ADGRL2: variants seen among roughly 807,000 people sequenced by gnomAD.
The protein encoded by ADGRL2 is adhesion G protein-coupled receptor L2, also known as calcium-independent alpha-latrotoxin receptor 2.
ADGRL2 carries 44 observed loss-of-function variants against 157.4 expected under a neutral mutation model. The observed-to-expected ratio is 0.28, with a 90% CI of 0.22 to 0.36. The LOEUF (loss-of-function observed/expected upper bound fraction) is 0.36. Among genes scored for constraint, ADGRL2 ranks in the 10% least tolerant of loss-of-function variants. The pLI, the probability that ADGRL2 is intolerant of heterozygous loss-of-function variation, is 1.00. For synonymous variants in ADGRL2, 585 were observed against 624.7 expected, an observed-to-expected ratio of 0.94 and a Z score of 0.95; for missense variants, 1,510 against 1,768.9, an observed-to-expected ratio of 0.85 and a Z score of 2.63.
At chr1:81,546,244 A>G (rs1003501268) in intron 2 of ADGRL2, among the ~76,000 whole-genome samples, 6 of 152,252 alleles carry the variant, frequency 3.9e-5, no homozygotes, top group African/African-American at 1.4e-4. Flanking sequence ...ATTTTACCAT[A>G]TCTTTCTGCC....
chr1:81,834,136 A>G (rs2092133765), intron 1 of ADGRL2, among the ~76,000 whole-genome samples: 1 of 152,152 alleles, frequency 6.6e-6, no homozygotes, highest in Non-Finnish European at 1.5e-5. Flanking sequence ...CGTAGCAAGC[A>G]TTACCAGGAG....
chr1:81,980,042 T>G (rs894086016), intron 18 of ADGRL2, 82 bp downstream of exon 18: 1 of 745,414 alleles, frequency 1.3e-6, no homozygotes, highest in Non-Finnish European at 2.3e-6. Flanking sequence ...GATTTCTACC[T>G]TCTATCAACT....
At chr1:81,436,077 A>G (rs1460275883) in intron 1 of ADGRL2, among the ~76,000 whole-genome samples, 1 of 152,214 alleles carries the variant, frequency 6.6e-6, no homozygotes, top group African/African-American at 2.4e-5. Flanking sequence ...CCTGGGCAAT[A>G]AGAGCGAAAC....
intron 1 of ADGRL2, among the ~76,000 whole-genome samples, chr1:81,388,432 A>G (rs2076475931): frequency 8.2e-6 from 1 of 122,524 alleles, no homozygotes; most frequent in Admixed American, 9.3e-5. Context: ...TAAAAATACC[A>G]GCCACAACTT....
intron 3 of ADGRL2, among the ~76,000 whole-genome samples, chr1:81,622,504 C>T (rs1278499585): frequency 6.6e-6 from 1 of 152,208 alleles, no homozygotes; most frequent in Non-Finnish European, 1.5e-5. Flanking sequence ...TCGCTTGAAC[C>T]TGGGAGGCGG....
chr1:81,869,418 T>C (rs1325685295), intron 2 of ADGRL2, among the ~76,000 whole-genome samples: 1 of 152,134 alleles, frequency 6.6e-6, no homozygotes, highest in African/African-American at 2.4e-5. Context: ...CAGATCAGTT[T>C]ATTTTCTTAA....
At chr1:81,891,202 ATTAT>A (rs1386268046) in intron 2 of ADGRL2, among the ~76,000 whole-genome samples, 1 of 151,528 alleles carries the variant, frequency 6.6e-6, no homozygotes, top group African/African-American at 2.4e-5. Context: ...CTGTATTTAT[ATTAT>A]TTAACGTTAT....
At chr1:81,872,386 T>C (rs191247384) in intron 2 of ADGRL2, among the ~76,000 whole-genome samples, 103 of 152,312 alleles carry the variant, frequency 6.8e-4, no homozygotes, top group Non-Finnish European at 1.3e-3. Context: ...CTTTGTTCTT[T>C]TGGCTTAGGA....
At chr1:81,535,091 G>C (rs2148281638) in intron 2 of ADGRL2, among the ~76,000 whole-genome samples, 1 of 152,216 alleles carries the variant, frequency 6.6e-6, no homozygotes, top group African/African-American at 2.4e-5. Flanking sequence ...CTGCTACTGA[G>C]CTGTTGTTTA....
intron 3 of ADGRL2, among the ~76,000 whole-genome samples, chr1:81,935,133 T>A (rs2095291109): frequency 6.6e-6 from 1 of 152,032 alleles, no homozygotes; most frequent in South Asian, 2.1e-4. Flanking sequence ...CTGTGATTCA[T>A]GTTAAAATAA....
chr1:81,779,549 A>G (rs2086731271), intron 2 of ADGRL2, among the ~76,000 whole-genome samples: 2 of 152,150 alleles, frequency 1.3e-5, no homozygotes, highest in South Asian at 4.1e-4. Flanking sequence ...TAGTCTTGCT[A>G]AATTTTTATA....
In ADGRL2 at chr1:81,581,874, GCACACACA is replaced by G. The variant is rs869309464; in HGVS notation, c.-143+924_-143+931del. ...ACCTCCCACCACCACACACATGCGCGCACACACACACACACACACACACACACACACAC... is the reference window on the plus strand; with the variant it reads ...ACCTCCCACCACCACACACATGCGCGCACACACACACACACACACACACAC... On this transcript the variant is annotated intron_variant, in intron 3 of 24. Transcript: ENST00000370721. Among the ~76,000 whole-genome samples, 694 of 83,548 alleles carry G rather than the reference GCACACACA, an allele frequency of 8.3e-3. 8 individuals are homozygous for G. Among genetic ancestry groups the G allele is most frequent in the African/African-American group, 0.021 (651 of 31,328 alleles). 54.8% of individuals were successfully genotyped at this position (83,548 alleles called of 152,430 possible).
chr1:81,879,213 C>T (rs1251631472), intron 2 of ADGRL2, among the ~76,000 whole-genome samples: 1 of 151,924 alleles, frequency 6.6e-6, no homozygotes, highest in Admixed American at 6.5e-5. Flanking sequence ...TGGAGCCCCA[C>T]ATGATTGGGA....
intron 3 of ADGRL2, among the ~76,000 whole-genome samples, chr1:81,925,891 C>A (rs1039511329): frequency 2.0e-5 from 3 of 151,940 alleles, no homozygotes; most frequent in African/African-American, 7.2e-5. Flanking sequence ...GAAAAAAAAT[C>A]TTTATGGCAT....
At chr1:81,947,240 C>G (rs958312963) in intron 6 of ADGRL2, among the ~76,000 whole-genome samples, 2 of 151,980 alleles carry the variant, frequency 1.3e-5, no homozygotes, top group African/African-American at 4.8e-5. Context: ...GAGTTTTGAA[C>G]CTTTTGCCAT....
At chr1:81,747,026 GTATATACGTA>G (rs1255936216) in intron 1 of ADGRL2, among the ~76,000 whole-genome samples, 15 of 142,642 alleles carry the variant, frequency 1.1e-4, no homozygotes, top group Admixed American at 8.3e-4. Context: ...GTATACACGT[GTATATACGTA>G]TATATATGTA....
intron 3 of ADGRL2, among the ~76,000 whole-genome samples, chr1:81,908,965 C>T (rs2094646982): frequency 6.6e-6 from 1 of 151,420 alleles, no homozygotes; most frequent in African/African-American, 2.4e-5. Flanking sequence ...GTCTTTGTCT[C>T]CTGGGTTCAA....
intron 1 of ADGRL2, among the ~76,000 whole-genome samples, chr1:81,359,670 A>T (rs2075941872): frequency 6.6e-6 from 1 of 151,928 alleles, no homozygotes; most frequent in Non-Finnish European, 1.5e-5. Flanking sequence ...GTAACTACAC[A>T]CTTGTCATCT....
intron 1 of ADGRL2, among the ~76,000 whole-genome samples, chr1:81,726,254 T>C (rs780249463): frequency 5.3e-5 from 8 of 152,146 alleles, no homozygotes; most frequent in Non-Finnish European, 1.2e-4. Context: ...GCCTGGCTCT[T>C]ACCTACCTGA....
Sources: allele counts gnomAD v4.1 joint callset (sites outside exome capture counted in the v4.1 genomes callset), GRCh38; gene constraint gnomAD v4.1.1; transcripts MANE v1.5; gene names NCBI Gene and HGNC (gene_info 2026-07-23, HGNC 2026-07-21).